The following PAM variants were observed in gnomAD, a reference collection of about 807,000 sequenced individuals.
PAM encodes peptidylglycine alpha-amidating monooxygenase.
In PAM, 72 loss-of-function variants were observed where a neutral mutation model predicts 122.1. The observed-to-expected ratio is 0.59, with a 90% CI of 0.49 to 0.72. PAM has a LOEUF of 0.72. Ranked by LOEUF, PAM falls within the 30% of genes least tolerant of loss-of-function variation. The pLI is 0.00. For synonymous variants in PAM, 389 were observed against 404.4 expected (o/e 0.96, Z 0.46); for missense variants, 1,106 against 1,183.7 (o/e 0.93, Z 0.96).
chr5:102,919,023 G>A lies in PAM; in HGVS notation c.356+5002G>A, dbSNP rs534984363. Among the ~76,000 whole-genome samples the A allele has an allele frequency of 7.9e-5, 12 of 151,966 alleles. No individual in the cohort carries two copies. The South Asian group carries it at 2.5e-3, about 32-fold the overall frequency. On this transcript the variant is annotated intron_variant, in intron 5 of 25. Coordinates refer to ENST00000438793, the MANE Select transcript of PAM (RefSeq NM_001177306.2). ...AACAAACCAAAGATGGCTTCTACAG[G>A]TTGTTTGATGTTTTTTGATGAAAAA...
chr5:102,802,609 A>G (rs1765077109), intron 1 of PAM, among the ~76,000 whole-genome samples: 1 of 152,132 alleles, frequency 6.6e-6, no homozygotes, highest in Non-Finnish European at 1.5e-5. Context: ...TATTTTAAAT[A>G]TTAAAAAAAC....
intron 16 of PAM, among the ~76,000 whole-genome samples, chr5:102,995,053 T>C (rs1218446239): frequency 6.6e-6 from 1 of 152,146 alleles, no homozygotes; most frequent in Admixed American, 6.6e-5. Context: ...GAAATCTGTC[T>C]GCTTCCTAAC....
chr5:102,901,656 C>T (rs1693064886), intron 4 of PAM, among the ~76,000 whole-genome samples: 2 of 151,546 alleles, frequency 1.3e-5, no homozygotes, highest in East Asian at 2.0e-4. Flanking sequence ...TGTTGATGGC[C>T]GCCAATACTG....
intron 16 of PAM, among the ~76,000 whole-genome samples, chr5:102,997,790 A>G (rs546368337): frequency 6.6e-6 from 1 of 152,230 alleles, no homozygotes; most frequent in Non-Finnish European, 1.5e-5. Flanking sequence ...CACAATATCA[A>G]TTACTTGACA....
chr5:103,003,435 T>A (rs1000899079), intron 17 of PAM, among the ~76,000 whole-genome samples: 2 of 152,198 alleles, frequency 1.3e-5, no homozygotes, highest in African/African-American at 2.4e-5. Flanking sequence ...TCATAATTGC[T>A]AAATGAGTAT....
At position 102,946,829 on chromosome 5, in the gene PAM, G is replaced by A; in HGVS notation, c.527-8G>A. 6.4e-7 allele frequency: 1 copy of A among 1,558,922 alleles called. No homozygotes were observed. The highest frequency in any genetic ancestry group is 8.8e-7 in the Non-Finnish European group (1 of 1,131,504). On this transcript the variant is annotated splice_polypyrimidine_tract_variant and splice_region_variant and intron_variant, in intron 7 of 25. Coordinates refer to ENST00000438793, the MANE Select transcript of PAM (RefSeq NM_001177306.2). Reference sequence around the variant, plus strand: ...ATTTAAGATATGTGTTTCTATGTGTGTTTTCAGATAATAACAAGGACTGTT... The same window carrying A: ...ATTTAAGATATGTGTTTCTATGTGTATTTTCAGATAATAACAAGGACTGTT...
rs1255993256 is a variant in PAM at position 102,913,917 on chromosome 5, T to G, written c.269-17T>G. 6.8e-7 allele frequency: 1 copy of G among 1,478,016 alleles called. No individual in the cohort carries two copies. Among genetic ancestry groups the G allele is most frequent in the Non-Finnish European group, 9.5e-7 (1 of 1,056,382 alleles). 91.6% of individuals were successfully genotyped at this position (1,478,016 alleles called of 1,614,324 possible). Reference sequence around the variant, plus strand: ...TGTAACTTGTATTCACATACATGTATTATTTTCTCGTAACAGTTGACTTCA... The same window carrying G: ...TGTAACTTGTATTCACATACATGTAGTATTTTCTCGTAACAGTTGACTTCA... On this transcript the variant is annotated splice_polypyrimidine_tract_variant and intron_variant, in intron 4 of 25. Coordinates refer to ENST00000438793, the MANE Select transcript of PAM (RefSeq NM_001177306.2).
At chr5:103,021,191 T>C (rs1783442420) in intron 23 of PAM, among the ~76,000 whole-genome samples, 1 of 152,138 alleles carries the variant, frequency 6.6e-6, no homozygotes, top group Non-Finnish European at 1.5e-5. Flanking sequence ...AGATAGTACA[T>C]TTTAGAGTCA....
chr5:102,926,463 CATATA>C (rs1451336810), intron 6 of PAM, 117 bp from the exon 7 acceptor site: 10 of 620,768 alleles, frequency 1.6e-5, no homozygotes, highest in African/African-American at 7.5e-5. Flanking sequence ...TTTCTGTTTT[CATATA>C]ATATAATTTT....
chr5:102,770,676 G>T (rs1176566184), intron 1 of PAM, among the ~76,000 whole-genome samples: 1 of 152,020 alleles, frequency 6.6e-6, no homozygotes, highest in Admixed American at 6.6e-5. Flanking sequence ...TGATTGATTT[G>T]TGTATGTTAA....
intron 4 of PAM, among the ~76,000 whole-genome samples, chr5:102,907,450 A>C (rs975443671): frequency 6.6e-6 from 1 of 151,418 alleles, no homozygotes; most frequent in African/African-American, 2.4e-5. Context: ...TTGTGTCTTT[A>C]TAGCAGCATG....
chr5:103,006,965 T>C lies in PAM; in HGVS notation c.1968T>C (p.Ile656=), dbSNP rs750819582. 14 of 1,613,858 alleles carry C rather than the reference T, an allele frequency of 8.7e-6. No individual in the cohort carries two copies. The African/African-American group carries it at 1.3e-4, about 15-fold the overall frequency. Residue 656 remains isoleucine, a synonymous_variant, in exon 19 of 26, where the codon ATT becomes ATC. Transcript: ENST00000438793. ...YVSDGYCNSR[I]VQFSPSGKFI... Reference sequence around the variant, plus strand: ...CAGATGGTTACTGCAACAGCAGGATTGTGCAGTTTTCACCAAGTGGAAAGT... The same window carrying C: ...CAGATGGTTACTGCAACAGCAGGATCGTGCAGTTTTCACCAAGTGGAAAGT...
At chr5:102,804,672 G>C (rs1357801567) in intron 1 of PAM, among the ~76,000 whole-genome samples, 1 of 152,200 alleles carries the variant, frequency 6.6e-6, no homozygotes, top group East Asian at 1.9e-4. Context: ...AACCATGACT[G>C]TTGCTCATCT....
chr5:103,015,998 G>A (rs775618214), intron 21 of PAM, among the ~76,000 whole-genome samples: 4 of 151,998 alleles, frequency 2.6e-5, no homozygotes, highest in South Asian at 2.1e-4. Flanking sequence ...AACATATTAC[G>A]GTATAGAACA....
chr5:103,017,286 T>G, intron 21 of PAM, 48 bp from the exon 22 acceptor site: 1 of 1,139,138 alleles, frequency 8.8e-7, no homozygotes, highest in Non-Finnish European at 1.3e-6. Flanking sequence ...TCATGAAGGA[T>G]TCAAGTAAAG....
rs937756539 is a variant in PAM at position 102,829,538 on chromosome 5, A to C, written c.-373-36285A>C. On this transcript the variant is annotated intron_variant, in intron 1 of 25. Coordinates refer to ENST00000438793, the MANE Select transcript of PAM (RefSeq NM_001177306.2). Reference sequence around the variant, plus strand: ...AGGTGCCCACCACCACACCCGGATAATTTTGTTTTGTATTTTTAGTAGAGA... The same window carrying C: ...AGGTGCCCACCACCACACCCGGATACTTTTGTTTTGTATTTTTAGTAGAGA... Among the ~76,000 whole-genome samples the C allele has an allele frequency of 6.6e-5, 10 of 151,864 alleles. 1 individual carries two copies. The South Asian group carries it at 2.1e-3, about 32-fold the overall frequency.
At chr5:102,794,630 T>G (rs1762900487) in intron 1 of PAM, among the ~76,000 whole-genome samples, 1 of 152,198 alleles carries the variant, frequency 6.6e-6, no homozygotes, top group African/African-American at 2.4e-5. Context: ...TTTATATTTA[T>G]GCTGATTCCA....
At chr5:103,030,534 G>C (rs1786105996), downstream of PAM, 1 of 152,184 alleles carries the variant, frequency 6.6e-6, no homozygotes, top group South Asian at 2.1e-4. Context: ...AAGTCTGCTA[G>C]GGCATTACAA....
chr5:102,765,755 C>T (rs1753726342), intron 1 of PAM, among the ~76,000 whole-genome samples: 1 of 152,188 alleles, frequency 6.6e-6, no homozygotes, highest in African/African-American at 2.4e-5. Context: ...GTTCCTTGGC[C>T]TATACATGGT....
Sources: gnomAD v4.1 joint callset for allele counts (sites outside exome capture counted in the v4.1 genomes callset) on GRCh38, gnomAD v4.1.1 for gene constraint, MANE v1.5 for transcripts, NCBI Gene and HGNC (gene_info 2026-07-23, HGNC 2026-07-21) for gene names.